RPSA: variants seen among roughly 807,000 people sequenced by gnomAD.
RPSA encodes the protein ribosomal protein SA.
For missense variants in RPSA, 140 were observed against 372.8 expected, an observed-to-expected ratio of 0.38 and a Z score of 5.14; for synonymous variants, 103 against 126.7, an observed-to-expected ratio of 0.81 and a Z score of 1.25.
chr3:39,407,879 ATCTT>A, intron 2 of RPSA, 93 bp downstream of exon 2: 2 of 971,634 alleles, frequency 2.1e-6, no homozygotes, highest in Non-Finnish European at 3.1e-6. Context: ...ATTTCTTTCT[ATCTT>A]CCTTAAATGA....
At chr3:39,411,617 G>A (rs2042006486) in intron 4 of RPSA, 32 bp from the exon 5 acceptor site, 3 of 1,608,854 alleles carry the variant, frequency 1.9e-6, no homozygotes, top group Admixed American at 1.7e-5. Flanking sequence ...TTGACCAAGT[G>A]TCACTTTTTA....
At chr3:39,408,901 A>G (rs2041960562) in intron 3 of RPSA, 177 bp downstream of exon 3, 1 of 577,822 alleles carries the variant, frequency 1.7e-6, no homozygotes, top group South Asian at 2.0e-5. Flanking sequence ...GATCCACACC[A>G]CGGTGAAGCC....
At chr3:39,407,235 A>G (rs1469706895) in intron 1 of RPSA, among the ~76,000 whole-genome samples, 1 of 152,210 alleles carries the variant, frequency 6.6e-6, no homozygotes, top group Non-Finnish European at 1.5e-5. Context: ...TCCGCCTACA[A>G]TCTGCTTGAA....
chr3:39,408,705 C>T lies in RPSA; in HGVS notation c.233C>T (p.Ser78Phe). The change falls in exon 3 of 7, where the codon TCC (serine) becomes TTC (phenylalanine). Residue 78 changes from serine to phenylalanine, a missense_variant. Coordinates refer to ENST00000301821, the MANE Select transcript of RPSA (RefSeq NM_002295.6). ...IENPADVSVISSRNTGQRAVL... is the reference protein window; with the variant it reads ...IENPADVSVIFSRNTGQRAVL... ...AACCCTGCTGATGTCAGTGTTATAT[C>T]CTCCAGGAATACTGGCCAGGTTTGT... 2 of 1,590,232 alleles carry T rather than the reference C, an allele frequency of 1.3e-6. No individual in the cohort carries two copies. Among genetic ancestry groups the T allele is most frequent in the Non-Finnish European group, 1.7e-6 (2 of 1,158,222 alleles).
rs765876601 is a variant in RPSA at position 39,411,107 on chromosome 3, C to G, written c.498+108C>G. ...GGCTACTGACTGGCCGATGAACTCG[C>G]AAGTGTAGGTAGTGTGCTACATGAG... On this transcript the variant is annotated intron_variant, in intron 4 of 6. Coordinates refer to ENST00000301821, the MANE Select transcript of RPSA (RefSeq NM_002295.6). 1.4e-5 allele frequency: 19 copies of G among 1,393,904 alleles called. No homozygotes were observed. In the South Asian group the frequency reaches 2.0e-4, roughly 14 times the overall value. The allele number at this position is 1,393,904 out of a possible 1,614,324, so 86.3% of individuals were successfully genotyped here.
intron 1 of RPSA, 63 bp downstream of exon 1, chr3:39,406,827 A>C: frequency 2.2e-6 from 1 of 455,744 alleles, no homozygotes; most frequent in Non-Finnish European, 4.4e-6. Context: ...TTCCTGCTCA[A>C]ATGAAGGGTG....
chr3:39,408,581 T>TA (rs755107896), intron 2 of RPSA, 25 bp from the exon 3 acceptor site: 2 of 1,269,334 alleles, frequency 1.6e-6, no homozygotes, highest in South Asian at 2.4e-5. Context: ...GGTCAAGTGT[T>TA]ACAAATCCTT....
intron 3 of RPSA, among the ~76,000 whole-genome samples, chr3:39,409,361 C>T (rs2041971808): frequency 6.6e-6 from 1 of 151,986 alleles, no homozygotes; most frequent in Non-Finnish European, 1.5e-5. Flanking sequence ...GCCACCATGC[C>T]TGACTGATTT....
At chr3:39,407,056 G>A (rs141851542) in intron 1 of RPSA, 79 of 454,398 alleles carry the variant, frequency 1.7e-4, no homozygotes, top group African/African-American at 1.3e-3. Flanking sequence ...ATCCTGTGTT[G>A]CTATCCCTTC....
chr3:39,408,823 G>T, intron 3 of RPSA, 99 bp downstream of exon 3: 1 of 809,714 alleles, frequency 1.2e-6, no homozygotes, highest in East Asian at 2.5e-5. Context: ...ACTCAGGCCG[G>T]GCGCGGTGGC....
chr3:39,411,517 T>G, intron 4 of RPSA, 132 bp from the exon 5 acceptor site: 1 of 896,172 alleles, frequency 1.1e-6, no homozygotes, highest in Non-Finnish European at 1.7e-6. Context: ...TTTATAATGC[T>G]CCCTGTTACA....
chr3:39,411,484 G>A, intron 4 of RPSA, 165 bp from the exon 5 acceptor site: 1 of 705,110 alleles, frequency 1.4e-6, no homozygotes, highest in Non-Finnish European at 2.3e-6. Flanking sequence ...ATTCCAGTGT[G>A]CAGACAAGGT....
chr3:39,411,663 G>T lies in RPSA; in HGVS notation c.513G>T (p.Val171=). ...IPCNNKGAHS[V]GLMWWMLARE... ...ACTCTTGGCAGGGAGCTCACTCAGTGGGTTTGATGTGGTGGATGCTGGCTC... is the reference window on the plus strand; with the variant it reads ...ACTCTTGGCAGGGAGCTCACTCAGTTGGTTTGATGTGGTGGATGCTGGCTC... The change falls in exon 5 of 7, where the codon GTG becomes GTT. Residue 171 remains valine (V), a synonymous_variant. Coordinates refer to ENST00000301821, the MANE Select transcript of RPSA (RefSeq NM_002295.6). The T allele has an allele frequency of 6.2e-7, 1 of 1,609,112 alleles. No homozygotes were observed.
chr3:39,410,718 A>C lies in RPSA; in HGVS notation c.253-36A>C, dbSNP rs114941012. The C allele has an allele frequency of 2.4e-3, 3,807 of 1,613,750 alleles. 90 individuals are homozygous for C. In the African/African-American group the frequency reaches 0.045, roughly 19 times the overall value. ...CTGGGTGCCAGGATTGTTGCTGTGG[A>C]ATATCGAGTACCACTAACTTTTAAA... is the stretch of plus-strand genomic sequence containing the variant. On this transcript the variant is annotated intron_variant, in intron 3 of 6. Transcript: ENST00000301821.
chr3:39,412,115 T>C, intron 6 of RPSA, 54 bp downstream of exon 6: 2 of 1,542,710 alleles, frequency 1.3e-6, no homozygotes, highest in Non-Finnish European at 1.8e-6. Context: ...TTCTCAGTTT[T>C]ATTCTAACTT....
At position 39,406,720 on chromosome 3, in the gene RPSA, C is replaced by CT. The variant is rs1289996121; in HGVS notation, c.-74dup. 3.4e-5 allele frequency: 12 copies of CT among 349,372 alleles called. No homozygotes were observed. In the East Asian group the frequency reaches 7.1e-4, roughly 21 times the overall value. 21.6% of individuals were successfully genotyped at this position (349,372 alleles called of 1,614,324 possible). A position where few individuals can be genotyped will look rare whatever the true frequency, so the allele number is the denominator to read the frequency against. ...AAGGACGTCATTTCCTGCCGCCTGT[C>CT]TTTTCCGTGCTACCTGCAGAGGGGT... On this transcript the variant is annotated 5_prime_UTR_variant, in exon 1 of 7. Transcript: ENST00000301821.
chr3:39,412,118 TC>T, intron 6 of RPSA, 57 bp downstream of exon 6: 1 of 1,541,000 alleles, frequency 6.5e-7, no homozygotes, highest in Non-Finnish European at 9.0e-7. Flanking sequence ...TCAGTTTTAT[TC>T]TAACTTTAAT....
At chr3:39,407,152 C>G (rs2041931022) in intron 1 of RPSA, 6 of 370,190 alleles carry the variant, frequency 1.6e-5, no homozygotes, top group South Asian at 1.2e-4. Context: ...TCGCGCCGTG[C>G]GGGTCAGGAG....
At position 39,410,831 on chromosome 3, in the gene RPSA, C is replaced by T. The variant is rs1381617739; in HGVS notation, c.330C>T (p.Asn110=). ...GCTTCACTCCTGGAACCTTCACTAA[C>T]CAGATCCAGGCAGCCTTCCGGGAGC... The part of the protein sequence containing the change: ...AGRFTPGTFT[N]QIQAAFREPR... The change falls in exon 4 of 7, where the codon AAC becomes AAT. Residue 110 remains asparagine (N), a synonymous_variant. Coordinates refer to ENST00000301821, the MANE Select transcript of RPSA (RefSeq NM_002295.6). 1 of 1,606,780 alleles carries T rather than the reference C, an allele frequency of 6.2e-7. No homozygotes were observed. Among genetic ancestry groups the T allele is most frequent in the Admixed American group, 1.7e-5 (1 of 59,990 alleles).
Sources: gnomAD v4.1 joint callset for allele counts (sites outside exome capture counted in the v4.1 genomes callset) on GRCh38, gnomAD v4.1.1 for gene constraint, MANE v1.5 for transcripts, NCBI Gene and HGNC (gene_info 2026-07-23, HGNC 2026-07-21) for gene names.